Variants in MAPK4 observed in about 807,000 individuals in gnomAD.
The protein encoded by MAPK4 is mitogen-activated protein kinase 4, also known as Erk3-related.
Under a neutral mutation model 47.7 loss-of-function variants are expected in MAPK4, and 22 were observed. That is an observed-to-expected ratio of 0.46 (90% CI 0.33 to 0.66). The LOEUF (loss-of-function observed/expected upper bound fraction) is 0.66, where lower values mean the gene tolerates loss of function less well. MAPK4 is among the 30% of genes least tolerant of loss of function. MAPK4 has a pLI of 0.02. For missense variants in MAPK4, 736 were observed against 831.7 expected (o/e 0.88, Z 1.42); for synonymous variants, 390 against 365.7 (o/e 1.07, Z -0.76).
chr18:50,669,987 G>C (rs1477532755), intron 2 of MAPK4: 1 of 152,044 alleles, frequency 6.6e-6, no homozygotes, highest in Non-Finnish European at 1.5e-5. Flanking sequence ...GTGAAACCCC[G>C]TCTCTCCTAA....
chr18:50,691,269 C>T (rs1909202654), intron 2 of MAPK4, among the ~76,000 whole-genome samples: 1 of 152,062 alleles, frequency 6.6e-6, no homozygotes, highest in South Asian at 2.1e-4. Context: ...GCTGGGATTA[C>T]AGGTGTGAGC....
chr18:50,595,242 T>C (rs1034384246), intron 1 of MAPK4, among the ~76,000 whole-genome samples: 3 of 152,212 alleles, frequency 2.0e-5, no homozygotes, highest in African/African-American at 7.2e-5. Flanking sequence ...ATGACTCATA[T>C]GAGAATGTTT....
chr18:50,590,305 A>T (rs143126410), intron 1 of MAPK4, among the ~76,000 whole-genome samples: 91 of 152,358 alleles, frequency 6.0e-4, no homozygotes, highest in Non-Finnish European at 9.6e-4. Context: ...GTGTAAAAAC[A>T]TACTATTTCT....
chr18:50,561,252 T>A (rs1420164844), intron 1 of MAPK4, among the ~76,000 whole-genome samples: 1 of 152,124 alleles, frequency 6.6e-6, no homozygotes, highest in Non-Finnish European at 1.5e-5. Flanking sequence ...TGCCTGGGGG[T>A]TGATTAATGT....
At chr18:50,700,547 G>A (rs12604368) in intron 2 of MAPK4, among the ~76,000 whole-genome samples, 96,655 of 152,028 alleles carry the variant, frequency 0.64, 30,917 homozygotes, top group East Asian at 0.73. Flanking sequence ...TCTTCTGTGG[G>A]CCCATCTGCT....
chr18:50,709,389 A>G (rs940411401), intron 2 of MAPK4, among the ~76,000 whole-genome samples: 1 of 152,218 alleles, frequency 6.6e-6, no homozygotes, highest in African/African-American at 2.4e-5. Context: ...GGGAGCACAG[A>G]GCCTGCAGCC....
At chr18:50,612,897 A>G (rs370826726) in intron 1 of MAPK4, among the ~76,000 whole-genome samples, 23 of 152,196 alleles carry the variant, frequency 1.5e-4, no homozygotes, top group African/African-American at 5.3e-4. Flanking sequence ...GCAAACAACA[A>G]TGCCAGTTTC....
At chr18:50,601,114 AG>A (rs1224410007) in intron 1 of MAPK4, among the ~76,000 whole-genome samples, 2 of 141,058 alleles carry the variant, frequency 1.4e-5, no homozygotes, top group Non-Finnish European at 3.1e-5. Flanking sequence ...AAAAAAAAAA[AG>A]AAGAAGAAGA....
chr18:50,679,964 T>G (rs1255355743), intron 2 of MAPK4, among the ~76,000 whole-genome samples: 1 of 151,514 alleles, frequency 6.6e-6, no homozygotes, highest in South Asian at 2.1e-4. Context: ...ACTAGCAACA[T>G]AGATTCCCAC....
rs75824099 is a variant in MAPK4, at chr18:50,577,295, T to C, written c.-871+17052T>C. ...CCTACACACCGTATGCATGTGTGTA[T>C]GAGGGCATGTGTTACACATTTGTGC... On this transcript the variant is annotated intron_variant, in intron 1 of 5. Transcript: ENST00000400384. Among the ~76,000 whole-genome samples, 1,429 of 152,264 alleles carry C rather than the reference T, an allele frequency of 9.4e-3. 19 individuals carry two copies. The highest frequency in any genetic ancestry group is 0.032 in the African/African-American group (1,325 of 41,548).
chr18:50,633,210 C>G (rs991788089), intron 1 of MAPK4, among the ~76,000 whole-genome samples: 4 of 152,206 alleles, frequency 2.6e-5, no homozygotes, highest in Non-Finnish European at 5.9e-5. Context: ...GACACAAGGT[C>G]TTCTCGTGGA....
At chr18:50,689,486 G>C (rs1909091957) in intron 2 of MAPK4, among the ~76,000 whole-genome samples, 1 of 151,812 alleles carries the variant, frequency 6.6e-6, no homozygotes, top group Non-Finnish European at 1.5e-5. Context: ...CCTTTGAGGA[G>C]ATGGGCAGGG....
At position 50,685,459 on chromosome 18, in the gene MAPK4, C is replaced by T. The variant is rs972641232; in HGVS notation, c.546+20955C>T. On this transcript the variant is annotated intron_variant, in intron 2 of 5. Coordinates refer to ENST00000400384, the MANE Select transcript of MAPK4 (RefSeq NM_002747.4). Reference sequence around the variant, plus strand: ...CAGAGGGAAACTTTCCTTCATCCAGCGGGGGCCCAATGGACACATCTGCTT... The same window carrying T: ...CAGAGGGAAACTTTCCTTCATCCAGTGGGGGCCCAATGGACACATCTGCTT... Among the ~76,000 whole-genome samples, 6 of 152,214 alleles carry T rather than the reference C, an allele frequency of 3.9e-5. No homozygotes were observed. The East Asian group carries it at 5.8e-4, about 15-fold the overall frequency.
chr18:50,651,238 G>T (rs1378233698), intron 1 of MAPK4, among the ~76,000 whole-genome samples: 1 of 152,112 alleles, frequency 6.6e-6, no homozygotes, highest in Non-Finnish European at 1.5e-5. Flanking sequence ...GGGTCCATGA[G>T]CTCCATTGCT....
chr18:50,610,000 A>G (rs959988922), intron 1 of MAPK4, among the ~76,000 whole-genome samples: 1 of 150,770 alleles, frequency 6.6e-6, no homozygotes, highest in African/African-American at 2.4e-5. Flanking sequence ...TACTGTTATT[A>G]TACCCATTTT....
chr18:50,676,866 T>G (rs1188468746), intron 2 of MAPK4, among the ~76,000 whole-genome samples: 3 of 152,174 alleles, frequency 2.0e-5, no homozygotes, highest in Non-Finnish European at 2.9e-5. Context: ...GATCATAAGT[T>G]TAAAACAAGG....
At chr18:50,717,792 A>G (rs1598951155) in intron 3 of MAPK4, among the ~76,000 whole-genome samples, 1 of 152,204 alleles carries the variant, frequency 6.6e-6, no homozygotes, top group East Asian at 1.9e-4. Flanking sequence ...GAGTGACCAC[A>G]TATGGGCAGC....
At chr18:50,592,522 ACC>A (rs11323036) in intron 1 of MAPK4, among the ~76,000 whole-genome samples, 2 of 151,498 alleles carry the variant, frequency 1.3e-5, no homozygotes, top group African/African-American at 4.9e-5. Context: ...ATTAATTACA[ACC>A]CCCCCCGCTT....
chr18:50,627,673 C>A (rs1400077899), intron 1 of MAPK4, among the ~76,000 whole-genome samples: 1 of 152,214 alleles, frequency 6.6e-6, no homozygotes, highest in Non-Finnish European at 1.5e-5. Flanking sequence ...ATGTTACGAT[C>A]CCATTTGAGA....
Sources: allele counts gnomAD v4.1 joint callset (sites outside exome capture counted in the v4.1 genomes callset), GRCh38; gene constraint gnomAD v4.1.1; transcripts MANE v1.5; gene names NCBI Gene and HGNC (gene_info 2026-07-23, HGNC 2026-07-21).